MAST3: variants seen among roughly 807,000 people sequenced by gnomAD.
The protein encoded by MAST3 is microtubule-associated serine/threonine-protein kinase 3.
A neutral mutation model predicts 127.0 loss-of-function variants in MAST3; 43 were observed. That is an observed-to-expected ratio of 0.34 (90% CI 0.27 to 0.44). The LOEUF is 0.44. MAST3 is among the 20% of genes least tolerant of loss of function. The pLI is 1.00. For synonymous variants in MAST3, 785 were observed against 809.2 expected (o/e 0.97, Z 0.51); for missense variants, 1,390 against 1,919.1 (o/e 0.72, Z 5.15).
rs573562525 is a variant in MAST3, at chr19:18,150,795, C to T, written c.*1069C>T. On this transcript the variant is annotated 3_prime_UTR_variant, in exon 28 of 28. Coordinates refer to ENST00000687212, the MANE Select transcript of MAST3 (RefSeq NM_001393504.1). ...ACCGGATCTGGGCAGAGGGGTCATC[C>T]GCTCCCCAGGTGGGCACTGATAAAG... 67 of 152,312 alleles carry T rather than the reference C, an allele frequency of 4.4e-4. 1 individual carries two copies. Among genetic ancestry groups the T allele is most frequent in the Admixed American group, 3.9e-3 (59 of 15,284 alleles). The allele number at this position is 152,312 out of a possible 1,614,324, so 9.4% of individuals were successfully genotyped here.
chr19:18,137,134 T>G, intron 18 of MAST3, 105 bp from the exon 19 acceptor site: 2 of 1,427,788 alleles, frequency 1.4e-6, no homozygotes, highest in Non-Finnish European at 1.9e-6. Flanking sequence ...TTTTTCTGGT[T>G]CTGTGTTGTC....
rs533355881 is a variant in MAST3 at position 18,141,978 on chromosome 19, G to A, written c.2302G>A (p.Glu768Lys). Reference protein sequence around the residue: ...EDREEGWERSEVDYGRRLSAD... With the variant: ...EDREEGWERSKVDYGRRLSAD... ...CCGGGAGGAGGGGTGGGAGCGCAGC[G>A]AAGTGGACTATGGCCGCCGGCTGAG... Residue 768 changes from glutamate (E) to lysine (K), a missense_variant, in exon 21 of 28, where the codon GAA becomes AAA. This residue lies in a region of MAST3 where 816 missense variants were observed against 934.1 expected (regional missense o/e 0.87). Transcript: ENST00000687212. 13 of 1,542,056 alleles carry A rather than the reference G, an allele frequency of 8.4e-6. No homozygotes were observed. The highest frequency in any genetic ancestry group is 2.5e-5 in the South Asian group (2 of 79,940).
At chr19:18,120,760 C>G (rs1213792412) in intron 3 of MAST3, among the ~76,000 whole-genome samples, 1 of 152,054 alleles carries the variant, frequency 6.6e-6, no homozygotes, top group Non-Finnish European at 1.5e-5. Flanking sequence ...GAGTTTCACT[C>G]TTGTTGCCCA....
intron 15 of MAST3, among the ~76,000 whole-genome samples, chr19:18,133,504 C>T (rs1289010604): frequency 1.3e-5 from 2 of 151,228 alleles, no homozygotes; most frequent in African/African-American, 2.4e-5. Flanking sequence ...CTCAGCTTCC[C>T]GAGTAGCTGG....
chr19:18,129,390 G>C (rs1025556240), intron 13 of MAST3: 1 of 169,196 alleles, frequency 5.9e-6, no homozygotes, highest in Non-Finnish European at 1.3e-5. Context: ...GGCAGAGGGG[G>C]ATCAGAGAGG....
At chr19:18,136,742 A>T (rs2041931974) in intron 18 of MAST3, among the ~76,000 whole-genome samples, 1 of 151,748 alleles carries the variant, frequency 6.6e-6, no homozygotes, top group Non-Finnish European at 1.5e-5. Flanking sequence ...CCTGGGTTTG[A>T]ATCCTGGCTT....
At chr19:18,127,679 G>A (rs185375830) in intron 11 of MAST3, among the ~76,000 whole-genome samples, 83 of 150,950 alleles carry the variant, frequency 5.5e-4, no homozygotes, top group Non-Finnish European at 7.2e-4. Context: ...GTGAGACTGC[G>A]TCTCAAAAAA....
intron 2 of MAST3, among the ~76,000 whole-genome samples, chr19:18,108,639 A>AT (rs1400230122): frequency 1.3e-5 from 2 of 152,214 alleles, no homozygotes; most frequent in Non-Finnish European, 2.9e-5. Flanking sequence ...AAGTGCTGGG[A>AT]TTACAGGCAT....
chr19:18,140,794 CTTAT>C (rs1037349563), intron 20 of MAST3, among the ~76,000 whole-genome samples: 2 of 151,956 alleles, frequency 1.3e-5, no homozygotes. Flanking sequence ...AGTTTATTTA[CTTAT>C]TTATTTATTT....
chr19:18,118,191 C>A (rs2039521366), intron 3 of MAST3: 1 of 985,296 alleles, frequency 1.0e-6, no homozygotes, highest in South Asian at 4.7e-5. Flanking sequence ...TACTGGACGG[C>A]GGTGGCGGCT....
At position 18,145,076 on chromosome 19, in the gene MAST3, C is replaced by T. The variant is rs273280; in HGVS notation, c.2886C>T (p.Asp962=). The part of the protein sequence containing the change: ...RSLSSNPSSR[D]SSPSRDPSPV... ...TGTCCTCGAACCCGTCGTCCCGTGA[C>T]TCTTCGCCGAGCCGAGACCCGTCCC... The change falls in exon 24 of 28, where the codon GAC becomes GAT. Residue 962 remains aspartate (D), a synonymous_variant. Coordinates refer to ENST00000687212, the MANE Select transcript of MAST3 (RefSeq NM_001393504.1). This position sits in a 1 kb window ranked among gnomAD's most constrained non-coding sequence, Gnocchi z 5.9. 6.8e-5 allele frequency: 109 copies of T among 1,613,068 alleles called. No homozygotes were observed. In the African/African-American group the frequency reaches 1.2e-3, roughly 18 times the overall value.
intron 14 of MAST3, among the ~76,000 whole-genome samples, 178 bp downstream of exon 14, chr19:18,130,880 C>A (rs955926448): frequency 1.3e-5 from 2 of 152,156 alleles, no homozygotes; most frequent in Non-Finnish European, 2.9e-5. Context: ...GGGTTTAGGG[C>A]TGGAGGAGCC....
Position 18,110,079 on chromosome 19 carries a change from C to G in MAST3, c.72-573C>G. 2 of 985,284 alleles carry G rather than the reference C, an allele frequency of 2.0e-6. No individual in the cohort carries two copies. The highest frequency in any genetic ancestry group is 3.5e-5 in the African/African-American group (2 of 57,338). 61.0% of individuals were successfully genotyped at this position (985,284 alleles called of 1,614,324 possible). On this transcript the variant is annotated intron_variant, in intron 2 of 27. Transcript: ENST00000687212. The surrounding 1 kb of genome is among the most constrained non-coding windows in gnomAD (Gnocchi z 4.3). Reference sequence around the variant, plus strand: ...CACCCGCGGCTCCCCTTTCCCGCTGCGCGACCCTCGCTGCCGGGCCGGGCC... The same window carrying G: ...CACCCGCGGCTCCCCTTTCCCGCTGGGCGACCCTCGCTGCCGGGCCGGGCC...
chr19:18,138,996 G>T lies in MAST3; in HGVS notation c.2096-19G>T, dbSNP rs1203740983. ...TCTCTGGGCATCAGGCGTGCTGCAT[G>T]TGCCTCTCCCTCCCACAGCACGTTC... On this transcript the variant is annotated intron_variant, in intron 19 of 27. Transcript: ENST00000687212. The T allele has an allele frequency of 6.5e-7, 1 of 1,537,694 alleles. No homozygotes were observed. The highest frequency in any genetic ancestry group is 1.9e-5 in the Admixed American group (1 of 53,200).
At chr19:18,109,275 C>T (rs1358086500) in intron 2 of MAST3, among the ~76,000 whole-genome samples, 2 of 152,040 alleles carry the variant, frequency 1.3e-5, no homozygotes, top group Admixed American at 6.6e-5. Flanking sequence ...CAATCCCAGG[C>T]CATCTGCTTC....
chr19:18,121,099 G>A (rs777800819), intron 3 of MAST3, among the ~76,000 whole-genome samples: 1 of 151,904 alleles, frequency 6.6e-6, no homozygotes, highest in Non-Finnish European at 1.5e-5. Context: ...CAGGTGATCC[G>A]CATGCCTCGG....
At chr19:18,118,258 G>A (rs573799299) in intron 3 of MAST3, 1 of 985,364 alleles carries the variant, frequency 1.0e-6, no homozygotes, top group African/African-American at 1.7e-5. Flanking sequence ...CCAAGAGGTA[G>A]GGGGCACGGC....
At chr19:18,142,876 C>A (rs538931959) in intron 21 of MAST3, among the ~76,000 whole-genome samples, 8 of 151,886 alleles carry the variant, frequency 5.3e-5, no homozygotes, top group African/African-American at 1.9e-4. Context: ...TTTGGGAAGC[C>A]GAGGCAGGTG....
At chr19:18,131,762 C>T (rs2041317974) in intron 14 of MAST3, 147 bp from the exon 15 acceptor site, 1 of 823,174 alleles carries the variant, frequency 1.2e-6, no homozygotes, top group African/African-American at 1.7e-5. Context: ...TCCCTCTCCC[C>T]CGACCCTCCC....
Sources: gnomAD v4.1 joint callset for allele counts (sites outside exome capture counted in the v4.1 genomes callset) on GRCh38, gnomAD v4.1.1 for gene constraint, gnomAD v4.1.1 regional missense constraint, Gnocchi (gnomAD v3.1) non-coding constraint, MANE v1.5 for transcripts, NCBI Gene and HGNC (gene_info 2026-07-23, HGNC 2026-07-21) for gene names.